The following POLA2 variants were observed in gnomAD, a reference collection of about 807,000 sequenced individuals.
POLA2 encodes the protein DNA polymerase alpha subunit B.
In POLA2, 47 loss-of-function variants were observed where a neutral mutation model predicts 82.8. That is an observed-to-expected ratio of 0.57 (90% confidence interval 0.45 to 0.72). POLA2 has a LOEUF of 0.72. Ranked by LOEUF, POLA2 falls within the 30% of genes least tolerant of loss-of-function variation. The probability of loss-of-function intolerance (pLI) is 0.00; values close to 1 mark genes in which losing one functional copy is unlikely to be tolerated. For synonymous variants in POLA2, 287 were observed against 286.8 expected, an observed-to-expected ratio of 1.00 and a Z score of -0.01; for missense variants, 634 against 728.1, an observed-to-expected ratio of 0.87 and a Z score of 1.49.
intron 12 of POLA2, 43 bp downstream of exon 12, chr11:65,289,131 C>T (rs746363429): frequency 6.7e-7 from 1 of 1,500,434 alleles, no homozygotes; most frequent in Non-Finnish European, 9.2e-7. Context: ...TACTTGAATC[C>T]AGTCAGGCTC....
chr11:65,288,672 C>T (rs1565487331), intron 11 of POLA2, among the ~76,000 whole-genome samples: 1 of 152,056 alleles, frequency 6.6e-6, no homozygotes, highest in African/African-American at 2.4e-5. Flanking sequence ...GCACACGCCA[C>T]CATGCCCAAC....
chr11:65,267,703 T>G (rs1356093613), intron 3 of POLA2, 135 bp downstream of exon 3: 5 of 513,404 alleles, frequency 9.7e-6, no homozygotes, highest in East Asian at 3.6e-5. Flanking sequence ...CCAGCACTTT[T>G]GGAGGCCGAG....
Position 65,262,224 on chromosome 11 carries a change from C to G in POLA2, c.-69C>G. On this transcript the variant is annotated 5_prime_UTR_variant, in exon 1 of 18. Coordinates refer to ENST00000265465, the MANE Select transcript of POLA2 (RefSeq NM_002689.4). ...GGGCGAGGAGCTCATCGCTCGCCAC[C>G]CCCGTGGGCTTCTTGGGCGCAGGTC... 3.2e-6 allele frequency: 4 copies of G among 1,248,820 alleles called. No homozygotes were observed. In the African/African-American group the frequency reaches 4.5e-5, roughly 14 times the overall value. The allele number at this position is 1,248,820 out of a possible 1,614,324, so 77.4% of individuals were successfully genotyped here. A position where few individuals can be genotyped will look rare whatever the true frequency, so the allele number is the denominator to read the frequency against.
intron 10 of POLA2, among the ~76,000 whole-genome samples, chr11:65,286,747 G>A (rs1949701646): frequency 6.6e-6 from 1 of 152,148 alleles, no homozygotes; most frequent in Non-Finnish European, 1.5e-5. Context: ...GCAACAATAG[G>A]AAACTAACAC....
chr11:65,272,919 CAGG>C (rs1226528164), intron 4 of POLA2, among the ~76,000 whole-genome samples: 1 of 151,658 alleles, frequency 6.6e-6, no homozygotes, highest in African/African-American at 2.4e-5. Flanking sequence ...GAGGCTGAGG[CAGG>C]AGAATTGCTT....
At chr11:65,287,491 C>T in intron 10 of POLA2, 1 of 389,018 alleles carries the variant, frequency 2.6e-6, no homozygotes, top group Non-Finnish European at 4.7e-6. Context: ...AAAGTTTCTA[C>T]TGCATGTTCT....
intron 4 of POLA2, among the ~76,000 whole-genome samples, chr11:65,270,490 C>T (rs1344684568): frequency 6.6e-6 from 1 of 152,204 alleles, no homozygotes; most frequent in Non-Finnish European, 1.5e-5. Context: ...GTTAGAGTTT[C>T]TTAAAATTGG....
chr11:65,280,700 G>T, intron 7 of POLA2: 1 of 402,902 alleles, frequency 2.5e-6, no homozygotes, highest in Non-Finnish European at 4.6e-6. Flanking sequence ...GGTGAGGACA[G>T]GGTGGGGTAG....
At chr11:65,266,164 T>C (rs1032457893) in intron 1 of POLA2, among the ~76,000 whole-genome samples, 21 of 152,230 alleles carry the variant, frequency 1.4e-4, no homozygotes, top group African/African-American at 5.1e-4. Context: ...ACTCTTCCTG[T>C]TGCACAGGCT....
In POLA2 at chr11:65,295,486, G is replaced by C. The variant is rs778431757; in HGVS notation, c.1461-54G>C. ...ATTAAATTCTCCAGTCCTCCCTGAA[G>C]AGAAATGGGCTGAAAAACAGAGTTC... On this transcript the variant is annotated intron_variant, in intron 15 of 17. Coordinates refer to ENST00000265465, the MANE Select transcript of POLA2 (RefSeq NM_002689.4). 2.7e-6 allele frequency: 4 copies of C among 1,462,470 alleles called. No homozygotes were observed. In the Admixed American group the frequency reaches 6.7e-5, roughly 24 times the overall value. 90.6% of individuals were successfully genotyped at this position (1,462,470 alleles called of 1,614,324 possible).
At chr11:65,264,048 G>A (rs1373247759) in intron 1 of POLA2, among the ~76,000 whole-genome samples, 2 of 151,954 alleles carry the variant, frequency 1.3e-5, no homozygotes, top group Admixed American at 1.3e-4. Context: ...ACAGTCAACC[G>A]TATTTCCCTG....
chr11:65,277,227 G>A (rs1590898137), intron 5 of POLA2, among the ~76,000 whole-genome samples: 5 of 150,198 alleles, frequency 3.3e-5, no homozygotes, highest in Admixed American at 3.3e-4. Flanking sequence ...GCCCAGGCTG[G>A]AGTGCAGTGG....
intron 17 of POLA2, 43 bp downstream of exon 17, chr11:65,296,033 G>GT: frequency 1.2e-6 from 2 of 1,612,388 alleles, no homozygotes; most frequent in Non-Finnish European, 1.7e-6. Flanking sequence ...CCAGAACCCA[G>GT]TCTTTGACTT....
chr11:65,277,104 C>T (rs1188005696), intron 5 of POLA2, among the ~76,000 whole-genome samples: 1 of 151,610 alleles, frequency 6.6e-6, no homozygotes, highest in African/African-American at 2.4e-5. Flanking sequence ...AGCTCTATCA[C>T]TTTAGAAAGG....
In POLA2 at chr11:65,289,070, T is replaced by G. The variant is rs56163475; in HGVS notation, c.1152T>G (p.Ala384=). Reference sequence around the variant, plus strand: ...TGCAGTTTGGCCCTTTCCTGGATGCTAAGCATGAACAGGTGGAGGTGAGTG... The same window carrying G: ...TGCAGTTTGGCCCTTTCCTGGATGCGAAGCATGAACAGGTGGAGGTGAGTG... ...VCILFGPFLD[A]KHEQVENCLL... is the part of the protein sequence containing the mutation. Residue 384 remains alanine, a synonymous_variant, in exon 12 of 18, where the codon GCT becomes GCG. Coordinates refer to ENST00000265465, the MANE Select transcript of POLA2 (RefSeq NM_002689.4). 16 of 1,613,354 alleles carry G rather than the reference T, an allele frequency of 9.9e-6. No homozygotes were observed. In the East Asian group the frequency reaches 3.3e-4, roughly 34 times the overall value.
chr11:65,284,262 C>T (rs891032648), intron 10 of POLA2, among the ~76,000 whole-genome samples: 1 of 152,054 alleles, frequency 6.6e-6, no homozygotes, highest in African/African-American at 2.4e-5. Context: ...ATTGCTTGAG[C>T]CCAGTTTAAG....
At chr11:65,262,786 C>T (rs916141166) in intron 1 of POLA2, among the ~76,000 whole-genome samples, 1 of 152,174 alleles carries the variant, frequency 6.6e-6, no homozygotes, top group Non-Finnish European at 1.5e-5. Flanking sequence ...CACCTTAAAC[C>T]TCTGCTGATC....
chr11:65,264,136 T>C (rs1949432595), intron 1 of POLA2, among the ~76,000 whole-genome samples: 1 of 152,108 alleles, frequency 6.6e-6, no homozygotes, highest in African/African-American at 2.4e-5. Context: ...GGTGCAATCT[T>C]GGCTCACTGC....
At chr11:65,291,426 T>C (rs1342866079) in intron 13 of POLA2, among the ~76,000 whole-genome samples, 1 of 152,092 alleles carries the variant, frequency 6.6e-6, no homozygotes, top group Non-Finnish European at 1.5e-5. Flanking sequence ...GAGACTTGGG[T>C]TGTGCCAGTG....
Sources: gnomAD v4.1 joint callset for allele counts (sites outside exome capture counted in the v4.1 genomes callset) on GRCh38, gnomAD v4.1.1 for gene constraint, MANE v1.5 for transcripts, NCBI Gene and HGNC (gene_info 2026-07-23, HGNC 2026-07-21) for gene names.